The following PNPLA6 variants were observed in gnomAD, a reference collection of about 807,000 sequenced individuals.
The protein encoded by PNPLA6 is patatin-like phospholipase domain-containing protein 6.
In PNPLA6, 105 loss-of-function variants were observed where a neutral mutation model predicts 153.7. The ratio of observed to expected loss-of-function variants is 0.68; its 90% CI spans 0.58 to 0.80. The LOEUF is 0.80. Ranked by LOEUF, PNPLA6 falls within the 30% of genes least tolerant of loss-of-function variation. PNPLA6 has a pLI of 0.00. For missense variants in PNPLA6, 1,423 were observed against 1,919.3 expected (o/e 0.74, Z 4.83); for synonymous variants, 825 against 822.2 (o/e 1.00, Z -0.06).
chr19:7,558,715 G>A, intron 27 of PNPLA6, 135 bp from the exon 28 acceptor site: 2 of 669,122 alleles, frequency 3.0e-6, no homozygotes. Flanking sequence ...ATGACAGCAT[G>A]GTGTTTGCAT....
rs1413080508 is a variant in PNPLA6, at chr19:7,550,439, C to T, written c.1946+10C>T. 3 of 1,611,544 alleles carry T rather than the reference C, an allele frequency of 1.9e-6. No individual in the cohort carries two copies. Among genetic ancestry groups the T allele is most frequent in the Non-Finnish European group, 2.5e-6 (3 of 1,179,750 alleles). ...GACGCGCGCTGTACAGGTGCAGCTC[C>T]CACCGCGCTGCTCAGGCCCGGCCTA... On this transcript the variant is annotated intron_variant, in intron 15 of 31. Transcript: ENST00000600737.
intron 29 of PNPLA6, 59 bp downstream of exon 29, chr19:7,560,823 C>T (rs2024068133): frequency 8.4e-7 from 1 of 1,185,122 alleles, no homozygotes; most frequent in East Asian, 2.3e-5. Context: ...ACCCAAGCCC[C>T]CTTAAAGTCT....
At chr19:7,535,424 G>C, upstream of PNPLA6, 1 of 1,010,420 alleles carries the variant, frequency 9.9e-7, no homozygotes, top group East Asian at 2.6e-5. This position sits in a 1 kb window ranked among gnomAD's most constrained non-coding sequence, Gnocchi z 5.0. Context: ...GGCAGGGCTT[G>C]AGCTGGGGGC....
intron 21 of PNPLA6, 42 bp from the exon 22 acceptor site, chr19:7,554,851 G>T: frequency 6.4e-7 from 1 of 1,570,636 alleles, no homozygotes; most frequent in Non-Finnish European, 8.6e-7. Flanking sequence ...TGGCCAGGTG[G>T]TGGTGGGGCG....
chr19:7,561,766 G>A (rs898199288), downstream of PNPLA6: 1 of 699,364 alleles, frequency 1.4e-6, no homozygotes, highest in Admixed American at 2.0e-5. Context: ...TCTTGGAAAT[G>A]GCTTCCTGTC....
At chr19:7,558,786 G>A in intron 27 of PNPLA6, 64 bp from the exon 28 acceptor site, 1 of 1,192,018 alleles carries the variant, frequency 8.4e-7, no homozygotes, top group Non-Finnish European at 1.2e-6. Flanking sequence ...CTGTGGGACT[G>A]GGTTGAACAT....
Position 7,542,208 on chromosome 19 carries a change from C to A in PNPLA6, c.1252+141C>A, listed in dbSNP as rs1343429332. ...CCCCAGGCACTGTTTTGTAGATATT[C>A]ATTGAGATAGTGCTTCTCCCACCTG... On this transcript the variant is annotated intron_variant, in intron 10 of 31. Coordinates refer to ENST00000600737, the MANE Select transcript of PNPLA6 (RefSeq NM_001166114.2). 3 of 701,896 alleles carry A rather than the reference C, an allele frequency of 4.3e-6. No individual in the cohort carries two copies. In the African/African-American group the frequency reaches 5.3e-5, roughly 12 times the overall value. The allele number at this position is 701,896 out of a possible 1,614,324, so 43.5% of individuals were successfully genotyped here. A position where few individuals can be genotyped will look rare whatever the true frequency, so the allele number is the denominator to read the frequency against.
chr19:7,552,784 A>C (rs535175681), intron 18 of PNPLA6, among the ~76,000 whole-genome samples: 1 of 147,108 alleles, frequency 6.8e-6, no homozygotes, highest in African/African-American at 2.6e-5. Flanking sequence ...AAAAAAAAAA[A>C]GAAAAGAAAA....
Position 7,561,166 on chromosome 19 carries a change from C to A in PNPLA6, c.3914-42C>A. On this transcript the variant is annotated intron_variant, in intron 30 of 31. Coordinates refer to ENST00000600737, the MANE Select transcript of PNPLA6 (RefSeq NM_001166114.2). ...AGGGGAGTGGCTGGAGATGGCAGGC[C>A]AGCCCCAATCCCCTCACCTGTGCCC... 2 of 1,587,800 alleles carry A rather than the reference C, an allele frequency of 1.3e-6. 1 individual carries two copies. The highest frequency in any genetic ancestry group is 2.3e-5 in the South Asian group (2 of 88,818).
intron 13 of PNPLA6, among the ~76,000 whole-genome samples, chr19:7,547,421 T>C (rs2146077714): frequency 6.6e-6 from 1 of 152,340 alleles, no homozygotes; most frequent in Non-Finnish European, 1.5e-5. Flanking sequence ...TGACTTGACG[T>C]TGAACAGCTT....
chr19:7,556,796 C>A, intron 26 of PNPLA6, 72 bp downstream of exon 26: 2 of 1,112,694 alleles, frequency 1.8e-6, no homozygotes, highest in Non-Finnish European at 1.4e-6. Flanking sequence ...CCGGGAGGGC[C>A]GCTGAGCTTC....
At position 7,540,564 on chromosome 19, in the gene PNPLA6, AT is replaced by A; in HGVS notation, c.715-65del. 1 of 1,285,966 alleles carries A rather than the reference AT, an allele frequency of 7.8e-7. No homozygotes were observed. Among genetic ancestry groups the A allele is most frequent in the Non-Finnish European group, 1.1e-6 (1 of 880,854 alleles). The allele number at this position is 1,285,966 out of a possible 1,614,324, so 79.7% of individuals were successfully genotyped here. A position where few individuals can be genotyped will look rare whatever the true frequency, so the allele number is the denominator to read the frequency against. On this transcript the variant is annotated intron_variant, in intron 5 of 31. Transcript: ENST00000600737. The surrounding 1 kb of genome is among the most constrained non-coding windows in gnomAD (Gnocchi z 6.8). ...GAAGTGTCAGTGATCATTGGGATGGATGAGGGGGCGACATGCCAGTCACCAG... is the reference window on the plus strand; with the variant it reads ...GAAGTGTCAGTGATCATTGGGATGGAGAGGGGGCGACATGCCAGTCACCAG...
chr19:7,560,006 G>A (rs1599315329), intron 28 of PNPLA6, among the ~76,000 whole-genome samples: 1 of 151,838 alleles, frequency 6.6e-6, no homozygotes, highest in Non-Finnish European at 1.5e-5. Context: ...TGGGTGTGGT[G>A]GCACATGCCT....
chr19:7,540,875 A>T lies in PNPLA6; in HGVS notation c.796-48A>T. The T allele has an allele frequency of 1.2e-6, 2 of 1,611,048 alleles. No homozygotes were observed. The highest frequency in any genetic ancestry group is 1.7e-6 in the Non-Finnish European group (2 of 1,178,770). ...AAGGATTAGGGGAGTAGCGAGGGGG[A>T]CTCGCAGCCTCTGCCCTTGTCTCTC... is the stretch of plus-strand genomic sequence containing the variant. On this transcript the variant is annotated intron_variant, in intron 6 of 31. Coordinates refer to ENST00000600737, the MANE Select transcript of PNPLA6 (RefSeq NM_001166114.2). This position sits in a 1 kb window ranked among gnomAD's most constrained non-coding sequence, Gnocchi z 6.8.
chr19:7,540,320 TC>T lies in PNPLA6; in HGVS notation c.714+16del. Reference sequence around the variant, plus strand: ...GTCTGCCAGGGCCTGTGAGTGGGCCTCCCCAGGGGCTGCTGCAGGAGGATGG... The same window carrying T: ...GTCTGCCAGGGCCTGTGAGTGGGCCTCCCAGGGGCTGCTGCAGGAGGATGG... On this transcript the variant is annotated intron_variant, in intron 5 of 31. Coordinates refer to ENST00000600737, the MANE Select transcript of PNPLA6 (RefSeq NM_001166114.2). The surrounding 1 kb of genome is among the most constrained non-coding windows in gnomAD (Gnocchi z 6.8). The T allele has an allele frequency of 6.3e-7, 1 of 1,599,554 alleles. No individual in the cohort carries two copies.
rs376492735 is a variant in PNPLA6 at position 7,541,318 on chromosome 19, G to A, written c.925-36G>A. The A allele has an allele frequency of 1.7e-5, 27 of 1,584,546 alleles. No individual in the cohort carries two copies. Among genetic ancestry groups the A allele is most frequent in the Non-Finnish European group, 2.3e-5 (27 of 1,156,048 alleles). ...ACCATCTGGCCCTGCCCCTTACCCCGCCCCATCTTATGGCCACGCCCCTCG... is the reference window on the plus strand; with the variant it reads ...ACCATCTGGCCCTGCCCCTTACCCCACCCCATCTTATGGCCACGCCCCTCG... On this transcript the variant is annotated intron_variant, in intron 7 of 31. Coordinates refer to ENST00000600737, the MANE Select transcript of PNPLA6 (RefSeq NM_001166114.2). This position sits in a 1 kb window ranked among gnomAD's most constrained non-coding sequence, Gnocchi z 5.2.
intron 21 of PNPLA6, 64 bp downstream of exon 21, chr19:7,554,787 G>A (rs1228272298): frequency 3.1e-6 from 5 of 1,595,292 alleles, no homozygotes; most frequent in Non-Finnish European, 4.3e-6. Flanking sequence ...TCCCGTGCCT[G>A]CACCAGGCCA....
intron 26 of PNPLA6, 195 bp downstream of exon 26, chr19:7,556,919 C>A: frequency 1.5e-6 from 1 of 687,898 alleles, no homozygotes; most frequent in Non-Finnish European, 2.6e-6. Context: ...GGGAGGGGAG[C>A]AGGGAGACTC....
rs373883256 is a variant in PNPLA6 at position 7,542,647 on chromosome 19, G to A, written c.1339G>A (p.Gly447Arg). Reference protein sequence around the residue: ...SVSLQEEASGGSLAAPARTPT... With the variant: ...SVSLQEEASGRSLAAPARTPT... The stretch of plus-strand genomic sequence containing the variant: ...GTCCCTGCAGGAAGAGGCCTCCGGG[G>A]GGTCCCTGGCAGCCCCCGCTCGGGT... The change falls in exon 11 of 32, where the codon GGG becomes AGG. Residue 447 changes from glycine (G) to arginine (R), a missense_variant. This residue lies in a region of PNPLA6 where 267 missense variants were observed against 255.1 expected (regional missense o/e 1.05). Transcript: ENST00000600737. The A allele has an allele frequency of 6.2e-7, 1 of 1,613,328 alleles. No homozygotes were observed. Among genetic ancestry groups the A allele is most frequent in the African/African-American group, 1.3e-5 (1 of 75,062 alleles).
Sources: gnomAD v4.1 joint callset for allele counts (sites outside exome capture counted in the v4.1 genomes callset) on GRCh38, gnomAD v4.1.1 for gene constraint, gnomAD v4.1.1 regional missense constraint, Gnocchi (gnomAD v3.1) non-coding constraint, MANE v1.5 for transcripts, NCBI Gene and HGNC (gene_info 2026-07-23, HGNC 2026-07-21) for gene names.